The following CRYGC variants were observed in gnomAD, a reference collection of about 807,000 sequenced individuals.
CRYGC encodes the protein gamma-crystallin C.
CRYGC carries 14 observed loss-of-function variants against 21.9 expected under a neutral mutation model. The ratio of observed to expected loss-of-function variants is 0.64; its 90% CI spans 0.42 to 1.00. The LOEUF is 1.00. CRYGC is among the 50% of genes least tolerant of loss of function. CRYGC has a pLI of 0.00. For synonymous variants in CRYGC, 96 were observed against 89.8 expected (o/e 1.07, Z -0.39); for missense variants, 235 against 234.2 (o/e 1.00, Z -0.02).
At position 208,128,182 on chromosome 2, in the gene CRYGC, A is replaced by T. The variant is rs747414725; in HGVS notation, c.*21T>A. On this transcript the variant is annotated 3_prime_UTR_variant, in exon 3 of 3. Coordinates refer to ENST00000282141, the MANE Select transcript of CRYGC (RefSeq NM_020989.4). ...ATATTTATTAGGTTCCAAAATGGGA[A>T]ATTGGTAGTGTTAAGCTATTTTAAT... 9.9e-6 allele frequency: 16 copies of T among 1,614,076 alleles called. No individual in the cohort carries two copies. The Admixed American group carries it at 1.7e-4, about 17-fold the overall frequency.
intron 2 of CRYGC, among the ~76,000 whole-genome samples, 177 bp downstream of exon 2, chr2:208,129,264 A>G (rs1302169490): frequency 6.6e-6 from 1 of 152,166 alleles, no homozygotes; most frequent in Non-Finnish European, 1.5e-5. Context: ...TCTTCCTCTA[A>G]GTGGGTTCTT....
rs398122944 is a variant in CRYGC, at chr2:208,128,257, C to A, written c.471G>T (p.Trp157Cys). The change falls in exon 3 of 3, where the codon TGG becomes TGT. Residue 157 changes from tryptophan (W) to cysteine (C), a missense_variant. Physicochemically the swap from Trp to Cys is radical, Grantham distance 215. Transcript: ENST00000282141. ...AGCCTGCCTTAGCATCCATGGCCCC[C>A]CAGTCCTGGCACCGCCTGTACTCTT... is the stretch of plus-strand genomic sequence containing the variant. Reference protein sequence around the residue: ...RPQEYRRCQDWGAMDAKAGSL... With the variant: ...RPQEYRRCQDCGAMDAKAGSL... The A allele has an allele frequency of 6.2e-7, 1 of 1,614,252 alleles. No individual in the cohort carries two copies. Among genetic ancestry groups the A allele is most frequent in the Non-Finnish European group, 8.5e-7 (1 of 1,180,042 alleles).
chr2:208,129,801 G>C lies in CRYGC; in HGVS notation c.-9C>G, dbSNP rs1469097093. 1 of 1,614,070 alleles carries C rather than the reference G, an allele frequency of 6.2e-7. No homozygotes were observed. Among genetic ancestry groups the C allele is most frequent in the African/African-American group, 1.3e-5 (1 of 75,042 alleles). ...CTGCTCACCTTCCCCATGGCTGGTT[G>C]ACACGGATGATGCGAGTTCAGTGTG... On this transcript the variant is annotated 5_prime_UTR_variant, in exon 1 of 3. Transcript: ENST00000282141.
Position 208,128,323 on chromosome 2 carries a change from C to A in CRYGC, c.405G>T (p.Glu135Asp). ...HVLEGCWVLYELPNYRGRQYL... is the reference protein window; with the variant it reads ...HVLEGCWVLYDLPNYRGRQYL... ...ATTGCCGCCCCCGGTAGTTGGGCAG[C>A]TCGTAGAGGACCCAGCAGCCCTCCA... Residue 135 changes from glutamate to aspartate, a missense_variant, in exon 3 of 3, where the codon GAG (glutamate) becomes GAT (aspartate). Transcript: ENST00000282141. The A allele has an allele frequency of 6.2e-7, 1 of 1,614,180 alleles. No homozygotes were observed. Among genetic ancestry groups the A allele is most frequent in the Non-Finnish European group, 8.5e-7 (1 of 1,180,020 alleles).
At position 208,129,823 on chromosome 2, in the gene CRYGC, T is replaced by A. The variant is rs375116200; in HGVS notation, c.-31A>T. On this transcript the variant is annotated 5_prime_UTR_variant, in exon 1 of 3. Coordinates refer to ENST00000282141, the MANE Select transcript of CRYGC (RefSeq NM_020989.4). The stretch of plus-strand genomic sequence containing the variant: ...GTTGACACGGATGATGCGAGTTCAG[T>A]GTGATGGGGCCTGCGGCTGCACAGC... 10 of 1,613,944 alleles carry A rather than the reference T, an allele frequency of 6.2e-6. No homozygotes were observed. The African/African-American group carries it at 1.3e-4, about 22-fold the overall frequency.
intron 2 of CRYGC, 114 bp downstream of exon 2, chr2:208,129,327 C>A: frequency 1.4e-6 from 2 of 1,446,306 alleles, no homozygotes; most frequent in Non-Finnish European, 1.9e-6. Flanking sequence ...TTATTCAGGT[C>A]TCTGATGTCC....
chr2:208,128,874 C>T lies in CRYGC; in HGVS notation c.253-399G>A, dbSNP rs184178769. ...GTAAGGGTATTATCTCCCAAATTTA[C>T]AAACATATAAATTTACCACTAAAGT... On this transcript the variant is annotated intron_variant, in intron 2 of 2. Coordinates refer to ENST00000282141, the MANE Select transcript of CRYGC (RefSeq NM_020989.4). 7.0e-4 allele frequency among the ~76,000 whole-genome samples: 106 copies of T among 152,266 alleles called. 2 individuals carry two copies. The highest frequency in any genetic ancestry group is 2.4e-3 in the African/African-American group (98 of 41,526).
Position 208,129,358 on chromosome 2 carries a change from TA to T in CRYGC, c.252+82del, listed in dbSNP as rs1311743686. 10 of 1,574,306 alleles carry T rather than the reference TA, an allele frequency of 6.4e-6. No individual in the cohort carries two copies. The Admixed American group carries it at 1.2e-4, about 19-fold the overall frequency. On this transcript the variant is annotated intron_variant, in intron 2 of 2. Coordinates refer to ENST00000282141, the MANE Select transcript of CRYGC (RefSeq NM_020989.4). ...TGTCCATCTAACCCTTAGGTGTTTTTAAATGCAAACCTCCCTCCCTGTAACC... is the reference window on the plus strand; with the variant it reads ...TGTCCATCTAACCCTTAGGTGTTTTTAATGCAAACCTCCCTCCCTGTAACC...
At chr2:208,128,711 T>C (rs574149011) in intron 2 of CRYGC, among the ~76,000 whole-genome samples, 2 of 152,200 alleles carry the variant, frequency 1.3e-5, no homozygotes, top group South Asian at 4.1e-4. Flanking sequence ...ATTTAGGAGA[T>C]GGAATTTTTA....
intron 2 of CRYGC, 143 bp downstream of exon 2, chr2:208,129,298 T>C: frequency 2.5e-6 from 3 of 1,220,744 alleles, no homozygotes; most frequent in Middle Eastern, 3.0e-4. Flanking sequence ...GCTGTTTTTG[T>C]GCATGTTATC....
chr2:208,129,582 C>A lies in CRYGC; in HGVS notation c.111G>T (p.Arg37=). ...QPYFSRCNSI[R]VESGCWMLYE... is the part of the protein sequence containing the mutation. Reference sequence around the variant, plus strand: ...AGAGCATCCAGCAGCCGCTCTCCACCCGGATGGAGTTGCAGCGGCTGAAAT... The same window carrying A: ...AGAGCATCCAGCAGCCGCTCTCCACACGGATGGAGTTGCAGCGGCTGAAAT... Residue 37 remains arginine, a synonymous_variant, in exon 2 of 3, where the codon CGG becomes CGT. Transcript: ENST00000282141. The A allele has an allele frequency of 1.9e-6, 3 of 1,614,212 alleles. No individual in the cohort carries two copies. Among genetic ancestry groups the A allele is most frequent in the Non-Finnish European group, 2.5e-6 (3 of 1,180,038 alleles).
intron 2 of CRYGC, 142 bp downstream of exon 2, chr2:208,129,299 G>T (rs2105858872): frequency 1.6e-6 from 2 of 1,219,186 alleles, no homozygotes; most frequent in East Asian, 4.7e-5. Flanking sequence ...CTGTTTTTGT[G>T]CATGTTATCT....
rs1382994299 is a variant in CRYGC, at chr2:208,128,254, C to T, written c.474G>A (p.Gly158=). 6.2e-7 allele frequency: 1 copy of T among 1,614,194 alleles called. No individual in the cohort carries two copies. Among genetic ancestry groups the T allele is most frequent in the South Asian group, 1.1e-5 (1 of 91,086 alleles). ...PQEYRRCQDW[G]AMDAKAGSLR... ...AAGAGCCTGCCTTAGCATCCATGGC[C>T]CCCCAGTCCTGGCACCGCCTGTACT... is the stretch of plus-strand genomic sequence containing the variant. The change falls in exon 3 of 3, where the codon GGG becomes GGA. Residue 158 remains glycine, a synonymous_variant. Coordinates refer to ENST00000282141, the MANE Select transcript of CRYGC (RefSeq NM_020989.4).
chr2:208,129,809 T>C lies in CRYGC; in HGVS notation c.-17A>G, dbSNP rs781260077. 1.2e-6 allele frequency: 2 copies of C among 1,614,146 alleles called. No individual in the cohort carries two copies. Among genetic ancestry groups the C allele is most frequent in the Non-Finnish European group, 8.5e-7 (1 of 1,180,020 alleles). On this transcript the variant is annotated 5_prime_UTR_variant, in exon 1 of 3. Transcript: ENST00000282141. ...CTTCCCCATGGCTGGTTGACACGGA[T>C]GATGCGAGTTCAGTGTGATGGGGCC...
At chr2:208,129,321 T>A in intron 2 of CRYGC, 120 bp downstream of exon 2, 1 of 1,386,986 alleles carries the variant, frequency 7.2e-7, no homozygotes, top group African/African-American at 1.4e-5. Context: ...TCTGGCTTAT[T>A]CAGGTCTCTG....
rs1293914655 is a variant in CRYGC at position 208,128,483 on chromosome 2, G to T, written c.253-8C>A. 1 of 1,614,146 alleles carries T rather than the reference G, an allele frequency of 6.2e-7. No individual in the cohort carries two copies. On this transcript the variant is annotated splice_polypyrimidine_tract_variant and splice_region_variant and intron_variant, in intron 2 of 2. Transcript: ENST00000282141. ...CAGCCTGTGGGAGACTGTCTACTCG[G>T]TCCACAGAAAGAAGGATGGAAAAAA...
At position 208,129,817 on chromosome 2, in the gene CRYGC, G is replaced by T; in HGVS notation, c.-25C>A. ...TGGCTGGTTGACACGGATGATGCGA[G>T]TTCAGTGTGATGGGGCCTGCGGCTG... On this transcript the variant is annotated 5_prime_UTR_variant, in exon 1 of 3. Transcript: ENST00000282141. 4 of 1,614,070 alleles carry T rather than the reference G, an allele frequency of 2.5e-6. No individual in the cohort carries two copies. The highest frequency in any genetic ancestry group is 3.4e-6 in the Non-Finnish European group (4 of 1,180,000).
rs947057328 is a variant in CRYGC at position 208,129,311 on chromosome 2, T to G, written c.252+130A>C. 12 of 1,294,898 alleles carry G rather than the reference T, an allele frequency of 9.3e-6. No individual in the cohort carries two copies. The African/African-American group carries it at 1.8e-4, about 19-fold the overall frequency. 80.2% of individuals were successfully genotyped at this position (1,294,898 alleles called of 1,614,324 possible). On this transcript the variant is annotated intron_variant, in intron 2 of 2. Coordinates refer to ENST00000282141, the MANE Select transcript of CRYGC (RefSeq NM_020989.4). Reference sequence around the variant, plus strand: ...CTGCTGTTTTTGTGCATGTTATCTATCTGGCTTATTCAGGTCTCTGATGTC... The same window carrying G: ...CTGCTGTTTTTGTGCATGTTATCTAGCTGGCTTATTCAGGTCTCTGATGTC...
intron 1 of CRYGC, 48 bp downstream of exon 1, chr2:208,129,736 T>C (rs762564867): frequency 5.6e-6 from 9 of 1,614,148 alleles, no homozygotes; most frequent in Admixed American, 1.7e-5. Flanking sequence ...ACAGGCATTA[T>C]ATAAAGGCAA....
Sources: allele counts gnomAD v4.1 joint callset (sites outside exome capture counted in the v4.1 genomes callset), GRCh38; gene constraint gnomAD v4.1.1; transcripts MANE v1.5; gene names NCBI Gene and HGNC (gene_info 2026-07-23, HGNC 2026-07-21).